The following PARP8 variants were observed in gnomAD, a reference collection of about 807,000 sequenced individuals.
PARP8 encodes the protein poly(ADP-ribose) polymerase family member 8, also known as protein mono-ADP-ribosyltransferase PARP8.
PARP8 carries 51 observed loss-of-function variants against 124.1 expected under a neutral mutation model. The ratio of observed to expected loss-of-function variants is 0.41; its 90% confidence interval spans 0.33 to 0.52. PARP8 has a LOEUF of 0.52. PARP8 is among the 20% of genes least tolerant of loss of function. The pLI is 0.21. For synonymous variants in PARP8, 391 were observed against 361.5 expected, an observed-to-expected ratio of 1.08 and a Z score of -0.93; for missense variants, 860 against 1,018.9, an observed-to-expected ratio of 0.84 and a Z score of 2.12.
At chr5:50,806,609 A>G (rs1019880952) in intron 14 of PARP8, among the ~76,000 whole-genome samples, 3 of 152,058 alleles carry the variant, frequency 2.0e-5, no homozygotes, top group African/African-American at 7.2e-5. Context: ...TACCTAAGGA[A>G]ATCAGAAAAC....
At chr5:50,778,871 A>G (rs748630427) in intron 9 of PARP8, among the ~76,000 whole-genome samples, 17 of 152,170 alleles carry the variant, frequency 1.1e-4, no homozygotes, top group Admixed American at 6.5e-5. Context: ...GAAACTGACA[A>G]GTTTCTGAGA....
At chr5:50,691,900 A>G (rs539220848) in intron 2 of PARP8, among the ~76,000 whole-genome samples, 1 of 152,168 alleles carries the variant, frequency 6.6e-6, no homozygotes, top group Non-Finnish European at 1.5e-5. Context: ...CCCTACTTAC[A>G]ATTAATGACC....
chr5:50,815,417 C>A lies in PARP8; in HGVS notation c.1576-15C>A. ...TGGAAAAAAGTTTTGTGATTGATTC[C>A]TTTTTCTTTTGTAGCCTACCGTATG... is the stretch of plus-strand genomic sequence containing the variant. On this transcript the variant is annotated splice_polypyrimidine_tract_variant and intron_variant, in intron 14 of 25. Transcript: ENST00000281631. 1 of 1,535,974 alleles carries A rather than the reference C, an allele frequency of 6.5e-7. No homozygotes were observed. Among genetic ancestry groups the A allele is most frequent in the South Asian group, 1.3e-5 (1 of 79,718 alleles).
At chr5:50,743,768 A>T (rs1758279524) in intron 2 of PARP8, among the ~76,000 whole-genome samples, 1 of 152,028 alleles carries the variant, frequency 6.6e-6, no homozygotes, top group Admixed American at 6.6e-5. Flanking sequence ...ATAAATAAAT[A>T]AAATTAAAAA....
intron 2 of PARP8, among the ~76,000 whole-genome samples, chr5:50,694,264 G>T (rs1173909512): frequency 6.6e-6 from 1 of 152,118 alleles, no homozygotes; most frequent in Non-Finnish European, 1.5e-5. Context: ...ACTCCTGCCA[G>T]TACTCTCATG....
rs371207373 is a variant in PARP8 at position 50,811,389 on chromosome 5, C to T, written c.1576-4043C>T. ...TTCGTGATAGGAAATAGAGAGGTCT[C>T]GGTGAAATTGCCAAAAATCATTTGC... On this transcript the variant is annotated intron_variant, in intron 14 of 25. Coordinates refer to ENST00000281631, the MANE Select transcript of PARP8 (RefSeq NM_024615.4). Among the ~76,000 whole-genome samples the T allele has an allele frequency of 1.5e-4, 23 of 151,542 alleles. No homozygotes were observed. The East Asian group carries it at 2.1e-3, about 14-fold the overall frequency.
At chr5:50,786,296 T>A (rs1044217149) in intron 9 of PARP8, among the ~76,000 whole-genome samples, 1 of 152,068 alleles carries the variant, frequency 6.6e-6, no homozygotes, top group Non-Finnish European at 1.5e-5. Context: ...CATAACCTAT[T>A]TGGGTTTTCA....
At chr5:50,835,119 T>A in intron 25 of PARP8, 104 bp downstream of exon 25, 1 of 825,070 alleles carries the variant, frequency 1.2e-6, no homozygotes, top group Non-Finnish European at 2.0e-6. Context: ...ATATAACAGG[T>A]AATTGAGTTT....
rs1461890044 is a variant in PARP8 at position 50,720,149 on chromosome 5, A to G, written c.147-30002A>G. 3.9e-5 allele frequency among the ~76,000 whole-genome samples: 6 copies of G among 152,128 alleles called. No homozygotes were observed. The East Asian group carries it at 9.7e-4, about 25-fold the overall frequency. ...CTTCTTATATAATGAAAGCATCCTT[A>G]TATTGTTGTTTGCATTGCTTACATG... On this transcript the variant is annotated intron_variant, in intron 2 of 25. Coordinates refer to ENST00000281631, the MANE Select transcript of PARP8 (RefSeq NM_024615.4).
intron 7 of PARP8, among the ~76,000 whole-genome samples, chr5:50,774,480 A>AG (rs1187112694): frequency 6.6e-6 from 1 of 150,780 alleles, no homozygotes; most frequent in African/African-American, 2.4e-5. Flanking sequence ...CTCACTTCCC[A>AG]GACGGGGCGG....
chr5:50,824,721 C>T (rs1174458249), intron 17 of PARP8, among the ~76,000 whole-genome samples, 187 bp from the exon 18 acceptor site: 7 of 152,016 alleles, frequency 4.6e-5, no homozygotes, highest in African/African-American at 1.7e-4. Context: ...ATTTTGGTGG[C>T]ATGAAAGTTC....
At chr5:50,835,903 T>C (rs1747528142) in intron 25 of PARP8, among the ~76,000 whole-genome samples, 1 of 152,210 alleles carries the variant, frequency 6.6e-6, no homozygotes, top group Non-Finnish European at 1.5e-5. Flanking sequence ...TTTCCCATGC[T>C]GTTCCCACCT....
At chr5:50,786,834 T>G (rs1382102680) in intron 9 of PARP8, among the ~76,000 whole-genome samples, 1 of 152,184 alleles carries the variant, frequency 6.6e-6, no homozygotes, top group Non-Finnish European at 1.5e-5. Flanking sequence ...TCATTCAGCC[T>G]CATGCCTTTA....
intron 17 of PARP8, among the ~76,000 whole-genome samples, chr5:50,823,273 A>G (rs1243133219): frequency 6.6e-6 from 1 of 152,082 alleles, no homozygotes; most frequent in Non-Finnish European, 1.5e-5. Flanking sequence ...AGTTATCGCT[A>G]CTGCTCTGTA....
intron 2 of PARP8, among the ~76,000 whole-genome samples, chr5:50,677,690 A>G (rs1750790462): frequency 6.6e-6 from 1 of 152,192 alleles, no homozygotes; most frequent in Admixed American, 6.5e-5. Flanking sequence ...TTAATTTAAA[A>G]TTTCCAGTAT....
intron 2 of PARP8, among the ~76,000 whole-genome samples, chr5:50,720,827 A>G (rs940805377): frequency 2.0e-5 from 3 of 151,818 alleles, no homozygotes; most frequent in African/African-American, 7.3e-5. Flanking sequence ...CCCTTACCAT[A>G]ACTATTTGAC....
chr5:50,836,426 T>G (rs1747589597), intron 25 of PARP8, among the ~76,000 whole-genome samples: 1 of 152,262 alleles, frequency 6.6e-6, no homozygotes, highest in South Asian at 2.1e-4. Context: ...AAGGGTATGA[T>G]TATAAGGAAA....
chr5:50,822,828 G>T (rs563436996), intron 17 of PARP8, among the ~76,000 whole-genome samples: 1 of 152,256 alleles, frequency 6.6e-6, no homozygotes, highest in East Asian at 1.9e-4. Context: ...AAACCACTTT[G>T]GAAGATGCCA....
intron 5 of PARP8, 33 bp from the exon 6 acceptor site, chr5:50,761,788 C>A: frequency 7.5e-7 from 1 of 1,329,578 alleles, no homozygotes; most frequent in Non-Finnish European, 1.1e-6. Context: ...ATAATTTGAC[C>A]ATTAAATTGT....
Sources: gnomAD v4.1 joint callset for allele counts (sites outside exome capture counted in the v4.1 genomes callset) on GRCh38, gnomAD v4.1.1 for gene constraint, MANE v1.5 for transcripts, NCBI Gene and HGNC (gene_info 2026-07-23, HGNC 2026-07-21) for gene names.